Variants in GRB10 observed in about 807,000 individuals in gnomAD.
GRB10 encodes growth factor receptor bound protein 10.
Under a neutral mutation model 80.9 loss-of-function variants are expected in GRB10, and 20 were observed. The ratio of observed to expected loss-of-function variants is 0.25; its 90% confidence interval spans 0.17 to 0.36. The LOEUF is 0.36. Among genes scored for constraint, GRB10 ranks in the 10% least tolerant of loss-of-function variants. GRB10 has a pLI of 1.00. For missense variants in GRB10, 548 were observed against 747.7 expected (o/e 0.73, Z 3.12); for synonymous variants, 291 against 291.5 (o/e 1.00, Z 0.02).
At chr7:50,639,864 C>G (rs754903157) in intron 7 of GRB10, among the ~76,000 whole-genome samples, 1 of 152,074 alleles carries the variant, frequency 6.6e-6, no homozygotes, top group Non-Finnish European at 1.5e-5. Context: ...TTTTTTTAAA[C>G]TTTTCTAAAA....
intron 3 of GRB10, among the ~76,000 whole-genome samples, chr7:50,753,352 G>A (rs2074479208): frequency 6.6e-6 from 1 of 152,224 alleles, no homozygotes; most frequent in Admixed American, 6.5e-5. Flanking sequence ...TACATTCCTT[G>A]CAGGCAGGAG....
chr7:50,703,866 C>A lies in GRB10; in HGVS notation c.94G>T (p.Gly32Ter). ...QTPRSQQDPA[G>*]PGLPAQSDRL... ...TCAGACTGTGCGGGGAGTCCTGGTC[C>A]TGCCGGGTCTTGTTGACTGCGAGGT... The change falls in exon 5 of 19, where the codon GGA (glycine) becomes TGA (stop). Residue 32 changes from glycine (G) to a stop codon, truncating the protein, a stop_gained. Transcript: ENST00000401949. LOFTEE classifies it high-confidence loss of function. The A allele has an allele frequency of 6.2e-7, 1 of 1,613,536 alleles. No individual in the cohort carries two copies. The highest frequency in any genetic ancestry group is 1.1e-5 in the South Asian group (1 of 91,052).
chr7:50,599,495 GT>G (rs1200420421), intron 17 of GRB10, among the ~76,000 whole-genome samples: 1 of 152,218 alleles, frequency 6.6e-6, no homozygotes, highest in East Asian at 1.9e-4. Flanking sequence ...AAGATGAGCT[GT>G]TCCTGTGTTA....
At chr7:50,690,331 GA>G (rs1200684077) in intron 5 of GRB10, among the ~76,000 whole-genome samples, 6 of 145,742 alleles carry the variant, frequency 4.1e-5, no homozygotes, top group East Asian at 2.0e-4. Flanking sequence ...AAAAAAAACA[GA>G]AAAAAAAGAA....
chr7:50,712,817 A>G (rs939346193), intron 4 of GRB10, among the ~76,000 whole-genome samples: 1 of 152,248 alleles, frequency 6.6e-6, no homozygotes, highest in African/African-American at 2.4e-5. Context: ...TACATTTTAA[A>G]CAGCTCTATT....
At chr7:50,710,183 A>T (rs964574075) in intron 4 of GRB10, among the ~76,000 whole-genome samples, 1 of 151,998 alleles carries the variant, frequency 6.6e-6, no homozygotes, top group Non-Finnish European at 1.5e-5. Context: ...GGGTGAATGG[A>T]TTGGTGCCCA....
chr7:50,679,661 G>A (rs540642277), intron 5 of GRB10, among the ~76,000 whole-genome samples: 2 of 152,276 alleles, frequency 1.3e-5, no homozygotes, highest in Admixed American at 1.3e-4. Context: ...TCATATGGAA[G>A]ATATACCCTG....
intron 7 of GRB10, among the ~76,000 whole-genome samples, chr7:50,638,449 T>A (rs2055489694): frequency 6.6e-6 from 1 of 152,102 alleles, no homozygotes; most frequent in Admixed American, 6.5e-5. Flanking sequence ...CAGACATTTC[T>A]CAAAAGAAGA....
At chr7:50,664,403 C>T (rs547798830) in intron 7 of GRB10, among the ~76,000 whole-genome samples, 27 of 152,352 alleles carry the variant, frequency 1.8e-4, no homozygotes, top group African/African-American at 6.3e-4. Flanking sequence ...AGAAGTACAG[C>T]AGAGGGAGAC....
intron 1 of GRB10, among the ~76,000 whole-genome samples, chr7:50,791,102 T>A (rs918333724): frequency 2.0e-5 from 3 of 152,148 alleles, no homozygotes; most frequent in African/African-American, 7.2e-5. Context: ...GCATTTTGAG[T>A]GGGCCAACGC....
intron 5 of GRB10, among the ~76,000 whole-genome samples, chr7:50,685,974 C>T (rs2062060819): frequency 6.6e-6 from 1 of 152,130 alleles, no homozygotes; most frequent in African/African-American, 2.4e-5. Context: ...CCGCCAGATG[C>T]ATGGGGCCAC....
In GRB10 at chr7:50,748,361, C is replaced by T. The variant is rs188819297; in HGVS notation, c.-47+7526G>A. On this transcript the variant is annotated intron_variant, in intron 3 of 18. Transcript: ENST00000401949. Reference sequence around the variant, plus strand: ...AGGCCAAGTGCCATGCAGATGGACACGAGTGGGCACCACAACAGCCAGGGA... The same window carrying T: ...AGGCCAAGTGCCATGCAGATGGACATGAGTGGGCACCACAACAGCCAGGGA... Among the ~76,000 whole-genome samples the T allele has an allele frequency of 4.0e-3, 616 of 152,290 alleles. 1 individual carries two copies. Among genetic ancestry groups the T allele is most frequent in the African/African-American group, 0.014 (574 of 41,540 alleles).
intron 7 of GRB10, among the ~76,000 whole-genome samples, chr7:50,647,784 G>C (rs1476774715): frequency 6.6e-6 from 1 of 152,172 alleles, no homozygotes; most frequent in African/African-American, 2.4e-5. Context: ...CCCAGGCCTG[G>C]GTCCCACAGC....
intron 15 of GRB10, chr7:50,605,076 C>T: frequency 1.7e-6 from 1 of 587,996 alleles, no homozygotes; most frequent in Non-Finnish European, 3.0e-6. Context: ...TCCATGAAAG[C>T]CCAGGGGACA....
Position 50,732,503 on chromosome 7 carries a change from C to G in GRB10, c.-46-135G>C. ...CTTGTAGGTTCAGTAAGGACACTTG[C>G]TCGGGGCACCAGCTTTTTGCTGACA... On this transcript the variant is annotated intron_variant, in intron 3 of 18. Coordinates refer to ENST00000401949, the MANE Select transcript of GRB10 (RefSeq NM_001350814.2). 4 of 647,934 alleles carry G rather than the reference C, an allele frequency of 6.2e-6. 1 individual carries two copies. Among genetic ancestry groups the G allele is most frequent in the Non-Finnish European group, 1.1e-5 (4 of 365,476 alleles). 40.1% of individuals were successfully genotyped at this position (647,934 alleles called of 1,614,324 possible).
At chr7:50,763,755 G>A (rs1026428396) in intron 2 of GRB10, among the ~76,000 whole-genome samples, 3 of 152,250 alleles carry the variant, frequency 2.0e-5, no homozygotes, top group Non-Finnish European at 2.9e-5. Context: ...GGCTGCGGAA[G>A]CATCTGAGAG....
chr7:50,617,932 A>AC (rs869192590), intron 10 of GRB10, 139 bp downstream of exon 10: 1 of 769,670 alleles, frequency 1.3e-6, no homozygotes, highest in Admixed American at 2.0e-5. Flanking sequence ...CCCCCCAACC[A>AC]CCCCTCCGGC....
intron 2 of GRB10, among the ~76,000 whole-genome samples, chr7:50,778,346 C>T (rs892742312): frequency 1.3e-5 from 2 of 152,208 alleles, no homozygotes; most frequent in South Asian, 4.1e-4. Context: ...AACATCACCA[C>T]CAGCCTAGGA....
Position 50,702,371 on chromosome 7 carries a change from T to C in GRB10, c.139+1450A>G, listed in dbSNP as rs147282686. 2.0e-3 allele frequency among the ~76,000 whole-genome samples: 312 copies of C among 152,352 alleles called. 1 individual carries two copies. The highest frequency in any genetic ancestry group is 7.2e-3 in the African/African-American group (298 of 41,586). On this transcript the variant is annotated intron_variant, in intron 5 of 18. Coordinates refer to ENST00000401949, the MANE Select transcript of GRB10 (RefSeq NM_001350814.2). The stretch of plus-strand genomic sequence containing the variant: ...GCAGCCCTTTGTATTCCCTAGGACC[T>C]AGGCCAGCAGCACCCATGCCGCTTT...
Sources: allele counts gnomAD v4.1 joint callset (sites outside exome capture counted in the v4.1 genomes callset), GRCh38; gene constraint gnomAD v4.1.1; transcripts MANE v1.5; gene names NCBI Gene and HGNC (gene_info 2026-07-23, HGNC 2026-07-21).